Variants in CTNNA3 observed in about 807,000 individuals in gnomAD.
CTNNA3 encodes the protein catenin alpha 3, also known as catenin alpha-3.
Under a neutral mutation model 95.7 loss-of-function variants are expected in CTNNA3, and 76 were observed. That is an observed-to-expected ratio of 0.79 (90% CI 0.66 to 0.96). The LOEUF is 0.96. Ranked by LOEUF, CTNNA3 falls within the 40% of genes least tolerant of loss-of-function variation. The pLI is 0.00. For missense variants in CTNNA3, 1,191 were observed against 1,089.8 expected (o/e 1.09, Z -1.31); for synonymous variants, 431 against 374.4 (o/e 1.15, Z -1.74).
intron 13 of CTNNA3, among the ~76,000 whole-genome samples, chr10:66,107,022 T>G (rs1223801260): frequency 6.6e-6 from 1 of 152,182 alleles, no homozygotes; most frequent in Non-Finnish European, 1.5e-5. Context: ...AGAGATCTCT[T>G]TTAATTGGAC....
intron 6 of CTNNA3, among the ~76,000 whole-genome samples, chr10:67,206,007 G>C (rs1863881785): frequency 6.6e-6 from 1 of 152,158 alleles, no homozygotes; most frequent in South Asian, 2.1e-4. Flanking sequence ...ATCAAAGAAC[G>C]TAGTGTCCCT....
At chr10:66,313,743 C>CA (rs1169810262) in intron 12 of CTNNA3, among the ~76,000 whole-genome samples, 1 of 152,180 alleles carries the variant, frequency 6.6e-6, no homozygotes, top group Non-Finnish European at 1.5e-5. Flanking sequence ...GACATAAAGA[C>CA]ACTCAACACA....
intron 12 of CTNNA3, among the ~76,000 whole-genome samples, chr10:66,307,437 T>G (rs375169590): frequency 1.3e-5 from 2 of 152,348 alleles, no homozygotes; most frequent in Admixed American, 6.5e-5. Flanking sequence ...CAAGTCAGTT[T>G]TTAGTCATGA....
chr10:65,975,247 A>T (rs2078188472), intron 16 of CTNNA3, among the ~76,000 whole-genome samples: 1 of 152,142 alleles, frequency 6.6e-6, no homozygotes, highest in Admixed American at 6.6e-5. Flanking sequence ...ACAGAGACAC[A>T]ATCAGACAAG....
At chr10:66,464,818 T>C (rs554460238) in intron 11 of CTNNA3, among the ~76,000 whole-genome samples, 1 of 151,786 alleles carries the variant, frequency 6.6e-6, no homozygotes, top group Non-Finnish European at 1.5e-5. Context: ...AAACTGGAAT[T>C]AACAATTTGT....
intron 7 of CTNNA3, among the ~76,000 whole-genome samples, chr10:67,001,322 A>G (rs1391173441): frequency 6.6e-6 from 1 of 150,770 alleles, no homozygotes; most frequent in Non-Finnish European, 1.5e-5. Context: ...AGAAAAAAAA[A>G]GAGAAAAAAA....
At chr10:67,611,258 C>G (rs1226004863) in intron 2 of CTNNA3, among the ~76,000 whole-genome samples, 1 of 151,766 alleles carries the variant, frequency 6.6e-6, no homozygotes. Flanking sequence ...ACCAAGCCAT[C>G]AACTGTCATT....
At chr10:67,090,814 T>C (rs1030245184) in intron 7 of CTNNA3, among the ~76,000 whole-genome samples, 5 of 152,036 alleles carry the variant, frequency 3.3e-5, no homozygotes, top group Non-Finnish European at 7.4e-5. Flanking sequence ...GCAGAAATCC[T>C]AAAGAAACTA....
chr10:66,736,760 G>C (rs375514469), intron 9 of CTNNA3, among the ~76,000 whole-genome samples: 2 of 151,460 alleles, frequency 1.3e-5, no homozygotes, highest in Non-Finnish European at 2.9e-5. Flanking sequence ...CGTATTATTC[G>C]TTTACAGCAT....
intron 2 of CTNNA3, among the ~76,000 whole-genome samples, chr10:67,611,222 G>T (rs572921752): frequency 6.6e-6 from 1 of 152,038 alleles, no homozygotes; most frequent in African/African-American, 2.4e-5. Flanking sequence ...TAAAGATGCT[G>T]AAAATTAAAT....
intron 2 of CTNNA3, among the ~76,000 whole-genome samples, chr10:67,640,087 T>C (rs1285916121): frequency 6.6e-6 from 1 of 152,240 alleles, no homozygotes; most frequent in African/African-American, 2.4e-5. Context: ...GATGGCATGA[T>C]TGTATATCTA....
chr10:67,511,427 G>C (rs1413470311), intron 5 of CTNNA3, among the ~76,000 whole-genome samples: 2 of 152,146 alleles, frequency 1.3e-5, no homozygotes, highest in Non-Finnish European at 2.9e-5. Context: ...TTTGTTGAAG[G>C]CCTTTTCTGC....
At chr10:66,877,110 C>T (rs1379522923) in intron 7 of CTNNA3, among the ~76,000 whole-genome samples, 1 of 152,094 alleles carries the variant, frequency 6.6e-6, no homozygotes, top group Non-Finnish European at 1.5e-5. Flanking sequence ...TCCCTCCTCT[C>T]ACTCCTACTT....
intron 1 of CTNNA3, among the ~76,000 whole-genome samples, chr10:67,733,613 G>C (rs1198063549): frequency 6.6e-6 from 1 of 152,114 alleles, no homozygotes; most frequent in Non-Finnish European, 1.5e-5. Flanking sequence ...TTAGAAAATA[G>C]TTTAGCAACA....
chr10:66,145,385 A>G (rs1185338254), intron 13 of CTNNA3, among the ~76,000 whole-genome samples: 1 of 152,220 alleles, frequency 6.6e-6, no homozygotes, highest in African/African-American at 2.4e-5. Flanking sequence ...AGAGAGGCCC[A>G]TGAAGCTGTC....
chr10:67,543,170 C>T (rs902917322), intron 3 of CTNNA3, among the ~76,000 whole-genome samples: 2 of 151,854 alleles, frequency 1.3e-5, no homozygotes, highest in African/African-American at 2.4e-5. Flanking sequence ...TAGTTCCTTT[C>T]CTAAAAACGG....
At chr10:66,264,654 C>G (rs981264481) in intron 13 of CTNNA3, among the ~76,000 whole-genome samples, 2 of 151,814 alleles carry the variant, frequency 1.3e-5, no homozygotes, top group South Asian at 4.1e-4. Context: ...TTCACATAGC[C>G]GAAGTTCAAG....
Position 66,756,751 on chromosome 10 carries a change from C to G in CTNNA3, c.1281+9513G>C, listed in dbSNP as rs188831386. Among the ~76,000 whole-genome samples, 422 of 152,172 alleles carry G rather than the reference C, an allele frequency of 2.8e-3. 2 individuals are homozygous for G. The highest frequency in any genetic ancestry group is 9.7e-3 in the African/African-American group (403 of 41,526). ...AAGAAAGCTGGGAGGAACCCACTTCCCTAAATCAAGTTCCCTTCCTGTATT... is the reference window on the plus strand; with the variant it reads ...AAGAAAGCTGGGAGGAACCCACTTCGCTAAATCAAGTTCCCTTCCTGTATT... On this transcript the variant is annotated intron_variant, in intron 9 of 17. Coordinates refer to ENST00000433211, the MANE Select transcript of CTNNA3 (RefSeq NM_013266.4).
chr10:67,096,344 G>T (rs1857992240), intron 7 of CTNNA3, among the ~76,000 whole-genome samples: 1 of 151,762 alleles, frequency 6.6e-6, no homozygotes, highest in Non-Finnish European at 1.5e-5. Context: ...TGCATGGAGA[G>T]AAGGGGAAAG....
Sources: gnomAD v4.1 joint callset for allele counts (sites outside exome capture counted in the v4.1 genomes callset) on GRCh38, gnomAD v4.1.1 for gene constraint, MANE v1.5 for transcripts, NCBI Gene and HGNC (gene_info 2026-07-23, HGNC 2026-07-21) for gene names.